ADAMTS2: variants seen among roughly 807,000 people sequenced by gnomAD.
The protein encoded by ADAMTS2 is ADAM metallopeptidase with thrombospondin type 1 motif 2, also known as A disintegrin and metalloproteinase with thrombospondin motifs 2.
ADAMTS2 carries 50 observed loss-of-function variants against 123.0 expected under a neutral mutation model. The observed-to-expected ratio is 0.41, with a 90% CI of 0.32 to 0.51. The LOEUF (loss-of-function observed/expected upper bound fraction) is 0.51. Among genes scored for constraint, ADAMTS2 ranks in the 20% least tolerant of loss-of-function variants. The pLI is 0.35. For missense variants in ADAMTS2, 1,494 were observed against 1,705.2 expected, an observed-to-expected ratio of 0.88 and a Z score of 2.18; for synonymous variants, 678 against 695.4, an observed-to-expected ratio of 0.98 and a Z score of 0.39.
At chr5:179,150,220 C>T (rs1036840509) in intron 10 of ADAMTS2, among the ~76,000 whole-genome samples, 8 of 142,694 alleles carry the variant, frequency 5.6e-5, no homozygotes, top group Middle Eastern at 3.5e-3. Flanking sequence ...GTGCGGCGGG[C>T]GGGGAGCCAT....
chr5:179,123,773 A>G (rs989005281), intron 19 of ADAMTS2, among the ~76,000 whole-genome samples: 21 of 152,346 alleles, frequency 1.4e-4, no homozygotes, highest in African/African-American at 4.8e-4. Context: ...CCTGGGAACC[A>G]AGCTCATGGA....
At chr5:179,301,298 G>C (rs948693483) in intron 2 of ADAMTS2, among the ~76,000 whole-genome samples, 6 of 152,174 alleles carry the variant, frequency 3.9e-5, no homozygotes, top group Non-Finnish European at 8.8e-5. Context: ...TGTCACTTGT[G>C]GCTATTTGGC....
chr5:179,130,001 C>T lies in ADAMTS2; in HGVS notation c.2388G>A (p.Glu796=), dbSNP rs778523145. The stretch of plus-strand genomic sequence containing the variant: ...TCTCCCGGCCGTCCTCGTCTCTGTA[C>T]TCCCACTCCACGCCCATGGCAATGA... ...KTFIAMGVEW[E]YRDEDGRETL... is the part of the protein sequence containing the mutation. The change falls in exon 16 of 22, where the codon GAG becomes GAA. Residue 796 remains glutamate, a synonymous_variant. Coordinates refer to ENST00000251582, the MANE Select transcript of ADAMTS2 (RefSeq NM_014244.5). This position sits in a 1 kb window ranked among gnomAD's most constrained non-coding sequence, Gnocchi z 4.3. 4 of 1,614,042 alleles carry T rather than the reference C, an allele frequency of 2.5e-6. No individual in the cohort carries two copies. In the Admixed American group the frequency reaches 5.0e-5, roughly 20 times the overall value.
intron 3 of ADAMTS2, among the ~76,000 whole-genome samples, chr5:179,250,380 G>T (rs1765890539): frequency 6.6e-6 from 1 of 152,158 alleles, no homozygotes; most frequent in African/African-American, 2.4e-5. Flanking sequence ...ACTTCTTGAG[G>T]GAAAATGGGG....
At chr5:179,341,729 A>G (rs3986818) in intron 2 of ADAMTS2, among the ~76,000 whole-genome samples, 19,282 of 144,078 alleles carry the variant, frequency 0.13, 1,576 homozygotes, top group East Asian at 0.32. Context: ...AAAAAAAAAA[A>G]AAAGAAAACA....
At chr5:179,251,989 T>C (rs991323536) in intron 3 of ADAMTS2, among the ~76,000 whole-genome samples, 2 of 151,246 alleles carry the variant, frequency 1.3e-5, no homozygotes, top group East Asian at 3.9e-4. Context: ...GTCTCACTGA[T>C]TTTTTTTTCT....
In ADAMTS2 at chr5:179,262,176, C is replaced by CCTAA. The variant is rs1332761329; in HGVS notation, c.688+10731_688+10734dup. Among the ~76,000 whole-genome samples the CCTAA allele has an allele frequency of 6.6e-6, 1 of 152,120 alleles. No individual in the cohort carries two copies. Among genetic ancestry groups the CCTAA allele is most frequent in the Non-Finnish European group, 1.5e-5 (1 of 68,012 alleles). On this transcript the variant is annotated intron_variant, in intron 3 of 21. Transcript: ENST00000251582. This position sits in a 1 kb window ranked among gnomAD's most constrained non-coding sequence, Gnocchi z 5.9. ...TGACTCCTGCACGTGGCCCAGACCA[C>CCTAA]CTAACCTGCCACCCCCACCAGCACA...
intron 3 of ADAMTS2, among the ~76,000 whole-genome samples, chr5:179,243,167 T>G (rs1194909835): frequency 7.0e-6 from 1 of 141,926 alleles, no homozygotes; most frequent in Non-Finnish European, 1.5e-5. Context: ...AAAAAAAAAA[T>G]CAGGAGAACA....
chr5:179,308,810 C>T lies in ADAMTS2; in HGVS notation c.534+34957G>A, dbSNP rs1488011013. ...CCCTCTGCCTCCTCTTCCTTCCCAC[C>T]CCAGGGGCCCTGGGATGCAGCTAGG... On this transcript the variant is annotated intron_variant, in intron 2 of 21. Transcript: ENST00000251582. The surrounding 1 kb of genome is among the most constrained non-coding windows in gnomAD (Gnocchi z 6.6). Among the ~76,000 whole-genome samples the T allele has an allele frequency of 6.6e-6, 1 of 152,150 alleles. No individual in the cohort carries two copies. The highest frequency in any genetic ancestry group is 2.4e-5 in the African/African-American group (1 of 41,450).
chr5:179,251,716 C>T lies in ADAMTS2; in HGVS notation c.688+21195G>A, dbSNP rs1479105567. Among the ~76,000 whole-genome samples, 4 of 152,164 alleles carry T rather than the reference C, an allele frequency of 2.6e-5. No homozygotes were observed. The East Asian group carries it at 5.8e-4, about 22-fold the overall frequency. ...CCTAAGAGTAATGAACATATATGTA[C>T]ACACAAAGACTTGTCCACAAATGGC... On this transcript the variant is annotated intron_variant, in intron 3 of 21. Coordinates refer to ENST00000251582, the MANE Select transcript of ADAMTS2 (RefSeq NM_014244.5).
At chr5:179,210,705 G>A (rs542265435) in intron 3 of ADAMTS2, among the ~76,000 whole-genome samples, 5 of 152,226 alleles carry the variant, frequency 3.3e-5, no homozygotes, top group Non-Finnish European at 7.3e-5. Context: ...AGCCCTAAGA[G>A]CAGGGGGATC....
intron 15 of ADAMTS2, among the ~76,000 whole-genome samples, chr5:179,131,836 C>T (rs144075989): frequency 1.2e-4 from 19 of 152,206 alleles, no homozygotes; most frequent in African/African-American, 4.6e-4. Flanking sequence ...TGACAGCTGG[C>T]CTTGCTGAGG....
rs188319503 is a variant in ADAMTS2 at position 179,120,702 on chromosome 5, G to A, written c.3178+959C>T. 173 of 152,270 alleles carry A rather than the reference G, an allele frequency of 1.1e-3. 2 individuals carry two copies. Among genetic ancestry groups the A allele is most frequent in the African/African-American group, 3.9e-3 (162 of 41,576 alleles). The allele number at this position is 152,270 out of a possible 1,614,324, so 9.4% of individuals were successfully genotyped here. On this transcript the variant is annotated intron_variant, in intron 21 of 21. Transcript: ENST00000251582. Reference sequence around the variant, plus strand: ...CTCCATGCAACAGTCAGCGCCGACTGGCCAGTGGGGCATCAGGGCAGACTC... The same window carrying A: ...CTCCATGCAACAGTCAGCGCCGACTAGCCAGTGGGGCATCAGGGCAGACTC...
intron 2 of ADAMTS2, among the ~76,000 whole-genome samples, chr5:179,294,863 C>A (rs1405121729): frequency 1.3e-5 from 2 of 152,250 alleles, no homozygotes; most frequent in Non-Finnish European, 2.9e-5. Context: ...CTCAACAGGA[C>A]AACTCTTTTC....
intron 5 of ADAMTS2, among the ~76,000 whole-genome samples, chr5:179,172,633 T>C (rs928875137): frequency 6.6e-6 from 1 of 152,162 alleles, no homozygotes; most frequent in African/African-American, 2.4e-5. Flanking sequence ...CTAGCGCCCA[T>C]AGGGTGGAAC....
intron 2 of ADAMTS2, among the ~76,000 whole-genome samples, chr5:179,341,546 A>T (rs1326936235): frequency 5.9e-5 from 9 of 151,844 alleles, no homozygotes; most frequent in South Asian, 2.1e-4. Flanking sequence ...TAAAAATTAA[A>T]AAAAAAATAA....
intron 2 of ADAMTS2, among the ~76,000 whole-genome samples, chr5:179,280,542 G>A (rs750099750): frequency 1.1e-4 from 17 of 152,178 alleles, no homozygotes; most frequent in African/African-American, 1.7e-4. Flanking sequence ...GGACCAAGGA[G>A]AAAGAACCAA....
intron 2 of ADAMTS2, among the ~76,000 whole-genome samples, chr5:179,304,636 C>T (rs1179514934): frequency 1.3e-5 from 2 of 152,058 alleles, no homozygotes; most frequent in Non-Finnish European, 2.9e-5. Flanking sequence ...GAGGATAGAG[C>T]AATAGAAGTT....
chr5:179,122,246 G>A (rs1458025467), intron 20 of ADAMTS2, among the ~76,000 whole-genome samples: 1 of 152,192 alleles, frequency 6.6e-6, no homozygotes, highest in African/African-American at 2.4e-5. Context: ...GGTGACACAT[G>A]TATAGCGTTT....
Sources: gnomAD v4.1 joint callset for allele counts (sites outside exome capture counted in the v4.1 genomes callset) on GRCh38, gnomAD v4.1.1 for gene constraint, Gnocchi (gnomAD v3.1) non-coding constraint, MANE v1.5 for transcripts, NCBI Gene and HGNC (gene_info 2026-07-23, HGNC 2026-07-21) for gene names.